TLN2: variants seen among roughly 807,000 people sequenced by gnomAD.
TLN2 encodes the protein talin 2.
A neutral mutation model predicts 294.7 loss-of-function variants in TLN2; 118 were observed. The observed-to-expected ratio is 0.40, with a 90% CI of 0.34 to 0.47. The LOEUF is 0.47. TLN2 is among the 20% of genes least tolerant of loss of function. The pLI is 0.84. For synonymous variants in TLN2, 1,431 were observed against 1,304.5 expected, an observed-to-expected ratio of 1.10 and a Z score of -2.09; for missense variants, 3,083 against 3,282.2, an observed-to-expected ratio of 0.94 and a Z score of 1.48.
At chr15:62,791,184 T>TAA (rs11389635) in intron 45 of TLN2, among the ~76,000 whole-genome samples, 156 of 145,630 alleles carry the variant, frequency 1.1e-3, no homozygotes, top group South Asian at 2.2e-3. Flanking sequence ...CCGTCTCTAC[T>TAA]AAAAAAAAAA....
chr15:62,736,771 C>A, intron 28 of TLN2, 107 bp from the exon 29 acceptor site: 1 of 1,208,738 alleles, frequency 8.3e-7, no homozygotes, highest in Non-Finnish European at 1.2e-6. Flanking sequence ...GAAGACTAAT[C>A]TGCAGCTCCC....
At chr15:62,497,664 A>G (rs2039078668) in intron 1 of TLN2, among the ~76,000 whole-genome samples, 1 of 152,228 alleles carries the variant, frequency 6.6e-6, no homozygotes. Context: ...CCTAGTTGCA[A>G]TATGATTTTT....
intron 1 of TLN2, among the ~76,000 whole-genome samples, chr15:62,434,926 AC>A (rs2035212767): frequency 2.0e-5 from 3 of 151,536 alleles, no homozygotes; most frequent in African/African-American, 7.3e-5. Context: ...TCTCCTTTCC[AC>A]CCCCAGACCC....
chr15:62,466,846 C>T (rs186745250), intron 1 of TLN2, among the ~76,000 whole-genome samples: 1 of 152,312 alleles, frequency 6.6e-6, no homozygotes, highest in Admixed American at 6.5e-5. Flanking sequence ...CTGACTCTGA[C>T]CTTGTCTCCA....
intron 1 of TLN2, among the ~76,000 whole-genome samples, chr15:62,437,183 C>A (rs551186939): frequency 6.6e-6 from 1 of 152,194 alleles, no homozygotes; most frequent in Non-Finnish European, 1.5e-5. Flanking sequence ...AGGAAAAATA[C>A]CATCAAGGGC....
At chr15:62,424,420 A>T (rs1028402706) in intron 1 of TLN2, among the ~76,000 whole-genome samples, 1 of 152,152 alleles carries the variant, frequency 6.6e-6, no homozygotes, top group Non-Finnish European at 1.5e-5. Context: ...TGAGATCTGC[A>T]GTGGGTAGGG....
intron 21 of TLN2, among the ~76,000 whole-genome samples, chr15:62,709,128 G>C (rs192952815): frequency 4.6e-5 from 7 of 152,192 alleles, no homozygotes; most frequent in Non-Finnish European, 1.0e-4. Flanking sequence ...CAAGATCAAG[G>C]CTTGGAATTT....
At position 62,450,466 on chromosome 15, in the gene TLN2, C is replaced by T. The variant is rs183664329; in HGVS notation, c.-238+59781C>T. ...GTTGGGGATTCAGCTTTTTTTTAACCTACCATCTGTGAGTATAGCCCTACA... is the reference window on the plus strand; with the variant it reads ...GTTGGGGATTCAGCTTTTTTTTAACTTACCATCTGTGAGTATAGCCCTACA... On this transcript the variant is annotated intron_variant, in intron 1 of 58. Transcript: ENST00000636159. Among the ~76,000 whole-genome samples, 799 of 151,908 alleles carry T rather than the reference C, an allele frequency of 5.3e-3. 7 individuals are homozygous for T. The highest frequency in any genetic ancestry group is 0.018 in the African/African-American group (765 of 41,392).
At chr15:62,589,088 G>A (rs927122278) in intron 1 of TLN2, among the ~76,000 whole-genome samples, 3 of 152,074 alleles carry the variant, frequency 2.0e-5, no homozygotes, top group African/African-American at 7.2e-5. Context: ...TAGATAACGT[G>A]TGTGTGTTCT....
At chr15:62,633,164 G>A (rs1182113658) in intron 3 of TLN2, among the ~76,000 whole-genome samples, 2 of 152,146 alleles carry the variant, frequency 1.3e-5, no homozygotes, top group East Asian at 1.9e-4. Flanking sequence ...AGCAAGGCAC[G>A]GGCCCTGGAG....
intron 1 of TLN2, among the ~76,000 whole-genome samples, chr15:62,420,785 A>C (rs958150784): frequency 6.6e-6 from 1 of 152,180 alleles, no homozygotes; most frequent in African/African-American, 2.4e-5. Context: ...AACAAACTTT[A>C]CTGTGGGTCT....
At chr15:62,706,271 C>T (rs2059062142) in intron 19 of TLN2, among the ~76,000 whole-genome samples, 1 of 152,342 alleles carries the variant, frequency 6.6e-6, no homozygotes, top group East Asian at 1.9e-4. Context: ...AACCATGGTT[C>T]TTCTTCAGGT....
At chr15:62,721,178 T>A (rs2060125374) in intron 25 of TLN2, among the ~76,000 whole-genome samples, 1 of 152,198 alleles carries the variant, frequency 6.6e-6, no homozygotes, top group Non-Finnish European at 1.5e-5. Context: ...TGAAAATAAA[T>A]AGAAATTGAA....
chr15:62,581,381 G>C (rs918374743), intron 1 of TLN2, among the ~76,000 whole-genome samples: 8 of 152,196 alleles, frequency 5.3e-5, no homozygotes, highest in African/African-American at 1.9e-4. Context: ...GTACCTTCTT[G>C]CTCTTTTTAC....
At chr15:62,742,024 G>GA (rs1491242073) in intron 32 of TLN2, among the ~76,000 whole-genome samples, 6 of 82,222 alleles carry the variant, frequency 7.3e-5, no homozygotes, top group African/African-American at 2.7e-4. Flanking sequence ...CTTGTAGTGG[G>GA]GTGTGTGTGT....
At chr15:62,416,472 A>T (rs1829584988) in intron 1 of TLN2, among the ~76,000 whole-genome samples, 1 of 152,106 alleles carries the variant, frequency 6.6e-6, no homozygotes, top group Non-Finnish European at 1.5e-5. Flanking sequence ...GGAAAGAAAT[A>T]TTGCTCTTTT....
intron 1 of TLN2, among the ~76,000 whole-genome samples, chr15:62,530,024 C>G (rs959923381): frequency 6.6e-6 from 1 of 152,092 alleles, no homozygotes; most frequent in African/African-American, 2.4e-5. Context: ...AACCCCTTCT[C>G]TACTAAAAAT....
chr15:62,700,547 C>T (rs1224261831), intron 16 of TLN2, among the ~76,000 whole-genome samples: 6 of 152,060 alleles, frequency 3.9e-5, no homozygotes, highest in Non-Finnish European at 1.5e-5. Context: ...GATCTGGATC[C>T]AGAACAGGGA....
intron 54 of TLN2, among the ~76,000 whole-genome samples, chr15:62,827,338 G>A (rs890552460): frequency 6.6e-6 from 1 of 152,128 alleles, no homozygotes; most frequent in African/African-American, 2.4e-5. Context: ...TGAGGAGGAG[G>A]TCAAGAGAAA....
Sources: gnomAD v4.1 joint callset for allele counts (sites outside exome capture counted in the v4.1 genomes callset) on GRCh38, gnomAD v4.1.1 for gene constraint, MANE v1.5 for transcripts, NCBI Gene and HGNC (gene_info 2026-07-23, HGNC 2026-07-21) for gene names.